The following LAMC2 variants were observed in gnomAD, a reference collection of about 807,000 sequenced individuals.
LAMC2 encodes the protein laminin subunit gamma 2, also known as laminin subunit gamma-2.
Under a neutral mutation model 140.2 loss-of-function variants are expected in LAMC2, and 97 were observed. The ratio of observed to expected loss-of-function variants is 0.69; its 90% CI spans 0.59 to 0.82. LAMC2 has a LOEUF of 0.82. Among genes scored for constraint, LAMC2 ranks in the 40% least tolerant of loss-of-function variants. LAMC2 has a pLI of 0.00. For synonymous variants in LAMC2, 513 were observed against 540.2 expected, an observed-to-expected ratio of 0.95 and a Z score of 0.70; for missense variants, 1,402 against 1,476.1, an observed-to-expected ratio of 0.95 and a Z score of 0.82.
At chr1:183,187,769 G>C (rs1658200002) in intron 1 of LAMC2, among the ~76,000 whole-genome samples, 1 of 152,188 alleles carries the variant, frequency 6.6e-6, no homozygotes, top group South Asian at 2.1e-4. Flanking sequence ...GACTGCTTAT[G>C]GATCAACTAC....
chr1:183,235,183 G>C (rs2102244252), intron 15 of LAMC2, among the ~76,000 whole-genome samples: 1 of 152,258 alleles, frequency 6.6e-6, no homozygotes. Context: ...CTAGTGGTGG[G>C]CCCAGTTTAG....
rs1364155852 is a variant in LAMC2, at chr1:183,223,375, T to C, written c.953+51T>C. The C allele has an allele frequency of 2.0e-6, 3 of 1,522,126 alleles. No homozygotes were observed. The South Asian group carries it at 3.4e-5, about 17-fold the overall frequency. 94.3% of individuals were successfully genotyped at this position (1,522,126 alleles called of 1,614,324 possible). ...CAATTAGAGCAAACTATGATTGAAG[T>C]TCAAGTTTGTTCTTTATTCATTCAA... On this transcript the variant is annotated intron_variant, in intron 7 of 22. Transcript: ENST00000264144.
At chr1:183,196,394 C>T (rs556180972) in intron 1 of LAMC2, among the ~76,000 whole-genome samples, 2 of 152,274 alleles carry the variant, frequency 1.3e-5, no homozygotes, top group East Asian at 3.9e-4. Flanking sequence ...GCCTCAGCCT[C>T]CCAAAGTGGT....
At chr1:183,234,218 G>T (rs1215216561) in intron 14 of LAMC2, 149 bp from the exon 15 acceptor site, 5 of 711,860 alleles carry the variant, frequency 7.0e-6, no homozygotes, top group Non-Finnish European at 1.3e-5. Context: ...GAATAATGGT[G>T]AATAGAGGCA....
intron 1 of LAMC2, among the ~76,000 whole-genome samples, chr1:183,202,905 T>C (rs939125850): frequency 6.6e-6 from 1 of 152,224 alleles, no homozygotes; most frequent in African/African-American, 2.4e-5. Context: ...GACAACCATC[T>C]ATGGGTTTTT....
rs114331605 is a variant in LAMC2 at position 183,215,712 on chromosome 1, T to C, written c.404+124T>C. 1.4e-3 allele frequency: 1,657 copies of C among 1,165,566 alleles called. 14 individuals are homozygous for C. In the African/African-American group the frequency reaches 0.023, roughly 16 times the overall value. The allele number at this position is 1,165,566 out of a possible 1,614,324, so 72.2% of individuals were successfully genotyped here. On this transcript the variant is annotated intron_variant, in intron 3 of 22. Transcript: ENST00000264144. The stretch of plus-strand genomic sequence containing the variant: ...CAAACACTGCTTTGAGAGTACATCA[T>C]TTGGGCTATCTACTTTAATCCTCAC...
At chr1:183,199,097 C>CTTTTTTTTTT (rs906113983) in intron 1 of LAMC2, among the ~76,000 whole-genome samples, 2 of 67,626 alleles carry the variant, frequency 3.0e-5, no homozygotes, top group Non-Finnish European at 2.6e-5. Flanking sequence ...GTTGGCTTTT[C>CTTTTTTTTTT]TTTTTTTTTT....
At chr1:183,212,949 G>A (rs1489248830) in intron 2 of LAMC2, among the ~76,000 whole-genome samples, 1 of 152,170 alleles carries the variant, frequency 6.6e-6, no homozygotes, top group African/African-American at 2.4e-5. Context: ...CTCTCACAAT[G>A]CTTCCCTCCT....
chr1:183,245,302 C>A (rs1040127435), downstream of LAMC2, among the ~76,000 whole-genome samples: 2 of 152,234 alleles, frequency 1.3e-5, no homozygotes, highest in African/African-American at 4.8e-5. Context: ...GCTGAGGAAA[C>A]AATTCTGCTT....
At chr1:183,212,596 A>G (rs1460581948) in intron 2 of LAMC2, among the ~76,000 whole-genome samples, 2 of 151,922 alleles carry the variant, frequency 1.3e-5, no homozygotes, top group Non-Finnish European at 2.9e-5. Flanking sequence ...CTCTCCATCT[A>G]CTTCTGGACT....
rs531673547 is a variant in LAMC2, at chr1:183,199,327, C to T, written c.80-8554C>T. On this transcript the variant is annotated intron_variant, in intron 1 of 22. Coordinates refer to ENST00000264144, the MANE Select transcript of LAMC2 (RefSeq NM_005562.3). ...CTATGTTGGCCAGGATGGTCTTGAT[C>T]TCTTAATCTCGTGATCCACCCACCT... Among the ~76,000 whole-genome samples the T allele has an allele frequency of 2.0e-5, 3 of 152,158 alleles. No individual in the cohort carries two copies. In the East Asian group the frequency reaches 5.8e-4, roughly 29 times the overall value.
chr1:183,246,136 C>T (rs978355936), downstream of LAMC2, among the ~76,000 whole-genome samples: 2 of 148,486 alleles, frequency 1.3e-5, no homozygotes, highest in African/African-American at 5.0e-5. Flanking sequence ...TGCCACTGCT[C>T]TCCAGCCAGG....
chr1:183,252,591 G>C, the LAMC2 span: 3 of 1,243,106 alleles, frequency 2.4e-6, no homozygotes, highest in Admixed American at 5.0e-5. Flanking sequence ...GAGAAACAGG[G>C]GGCTGACAAA....
In LAMC2 at chr1:183,234,442, G is replaced by C. The variant is rs1433114020; in HGVS notation, c.2296G>C (p.Glu766Gln). ...GGCTCAGGAGGCCACAAGATTAGCA[G>C]AAAGGTGAGCAGCATTAGAGGGCAC... ...SLAQEATRLAESHVESASNME... is the reference protein window; with the variant it reads ...SLAQEATRLAQSHVESASNME... Residue 766 changes from glutamate to glutamine, a missense_variant, in exon 15 of 23, where the codon GAA becomes CAA. Physicochemically the swap from Glu to Gln is conservative, Grantham distance 29. This residue lies in a region of LAMC2 where 670 missense variants were observed against 667.2 expected (regional missense o/e 1.00). Coordinates refer to ENST00000264144, the MANE Select transcript of LAMC2 (RefSeq NM_005562.3). 2 of 1,613,792 alleles carry C rather than the reference G, an allele frequency of 1.2e-6. No homozygotes were observed. Among genetic ancestry groups the C allele is most frequent in the African/African-American group, 2.7e-5 (2 of 75,054 alleles).
chr1:183,249,385 G>A (rs200161340), downstream of LAMC2: 2 of 152,172 alleles, frequency 1.3e-5, no homozygotes, highest in Non-Finnish European at 2.9e-5. Context: ...AAAAATGGGA[G>A]AGACATTTTT....
At chr1:183,242,499 G>A (rs472193) in intron 22 of LAMC2, among the ~76,000 whole-genome samples, 5,158 of 152,268 alleles carry the variant, frequency 0.034, 297 homozygotes, top group African/African-American at 0.12. Flanking sequence ...ACTGACATTA[G>A]TTTTAGATAG....
At chr1:183,232,887 A>G in intron 14 of LAMC2, 30 bp downstream of exon 14, 1 of 1,603,192 alleles carries the variant, frequency 6.2e-7, no homozygotes, top group South Asian at 1.1e-5. Flanking sequence ...GAGTATTGAG[A>G]ATACTGCTGT....
chr1:183,231,435 A>T (rs1659797529), intron 12 of LAMC2, among the ~76,000 whole-genome samples: 1 of 152,202 alleles, frequency 6.6e-6, no homozygotes, highest in African/African-American at 2.4e-5. Flanking sequence ...GAAATTTTTC[A>T]AAGTGATATG....
At chr1:183,238,248 A>C in intron 18 of LAMC2, 59 bp from the exon 19 acceptor site, 1 of 1,209,834 alleles carries the variant, frequency 8.3e-7, no homozygotes, top group East Asian at 2.3e-5. Context: ...AATGTGTCAG[A>C]GTGATTTTGC....
Sources: allele counts gnomAD v4.1 joint callset (sites outside exome capture counted in the v4.1 genomes callset), GRCh38; gene constraint gnomAD v4.1.1; regional missense constraint gnomAD v4.1.1; transcripts MANE v1.5; gene names NCBI Gene and HGNC (gene_info 2026-07-23, HGNC 2026-07-21).